SGMS1: variants seen among roughly 807,000 people sequenced by gnomAD.
The protein encoded by SGMS1 is sphingomyelin synthase 1.
A neutral mutation model predicts 46.2 loss-of-function variants in SGMS1; 13 were observed. That is an observed-to-expected ratio of 0.28 (90% CI 0.18 to 0.45). SGMS1 has a LOEUF of 0.45. SGMS1 is among the 20% of genes least tolerant of loss of function. The probability of loss-of-function intolerance (pLI) is 1.00; values close to 1 mark genes in which losing one functional copy is unlikely to be tolerated. For missense variants in SGMS1, 324 were observed against 519.9 expected, an observed-to-expected ratio of 0.62 and a Z score of 3.66; for synonymous variants, 203 against 187.8, an observed-to-expected ratio of 1.08 and a Z score of -0.66.
chr10:50,419,630 A>G (rs1481382738), intron 6 of SGMS1, among the ~76,000 whole-genome samples: 3 of 152,238 alleles, frequency 2.0e-5, no homozygotes, highest in Non-Finnish European at 2.9e-5. Context: ...AATACTTAAA[A>G]GAAACTTTAT....
At chr10:50,622,541 C>T (rs558796247) in intron 1 of SGMS1, among the ~76,000 whole-genome samples, 42 of 152,298 alleles carry the variant, frequency 2.8e-4, no homozygotes, top group African/African-American at 1.0e-3. Flanking sequence ...TTTAAAGGTC[C>T]AGGAAGATAA....
intron 1 of SGMS1, among the ~76,000 whole-genome samples, chr10:50,613,242 G>C (rs879261951): frequency 1.3e-5 from 2 of 152,224 alleles, no homozygotes; most frequent in African/African-American, 4.8e-5. Flanking sequence ...CAGGGAAACT[G>C]GGCAGGTGAC....
intron 6 of SGMS1, among the ~76,000 whole-genome samples, chr10:50,375,253 C>T (rs1848506318): frequency 1.3e-5 from 2 of 152,078 alleles, no homozygotes; most frequent in African/African-American, 4.8e-5. Context: ...GATTTCTGGG[C>T]TAGAACAACC....
intron 8 of SGMS1, among the ~76,000 whole-genome samples, 194 bp downstream of exon 8, chr10:50,327,011 T>C (rs1847543047): frequency 1.5e-5 from 1 of 68,636 alleles, no homozygotes; most frequent in African/African-American, 8.8e-5. Flanking sequence ...ATTTCCCCAG[T>C]TGGGAGGCAC....
chr10:50,505,819 G>C lies in SGMS1; in HGVS notation c.-498+14012C>G, dbSNP rs150778818. ...TCTCCCTAACAGGGCCATCTGAGCA[G>C]AGGCCCGAGGAATGGGGAGCAAAGC... On this transcript the variant is annotated intron_variant, in intron 3 of 10. Transcript: ENST00000361781. Among the ~76,000 whole-genome samples, 7 of 152,290 alleles carry C rather than the reference G, an allele frequency of 4.6e-5. No homozygotes were observed. In the East Asian group the frequency reaches 1.4e-3, roughly 29 times the overall value.
At chr10:50,317,642 G>C (rs1589382307) in intron 8 of SGMS1, among the ~76,000 whole-genome samples, 1 of 152,240 alleles carries the variant, frequency 6.6e-6, no homozygotes, top group East Asian at 1.9e-4. Context: ...TGTTGTTCTT[G>C]TTGTTGTTCT....
chr10:50,404,666 T>C (rs758903865), intron 6 of SGMS1, among the ~76,000 whole-genome samples: 1 of 152,192 alleles, frequency 6.6e-6, no homozygotes, highest in Admixed American at 6.5e-5. Context: ...AAATTTGAAA[T>C]GTATTTTCCC....
chr10:50,355,025 T>G (rs999461526), intron 6 of SGMS1, among the ~76,000 whole-genome samples: 11 of 152,214 alleles, frequency 7.2e-5, no homozygotes, highest in African/African-American at 2.7e-4. Flanking sequence ...ATTGTGGAAG[T>G]CAGTGTGATG....
chr10:50,432,883 C>T (rs143574055), intron 6 of SGMS1, among the ~76,000 whole-genome samples: 1 of 152,250 alleles, frequency 6.6e-6, no homozygotes, highest in East Asian at 1.9e-4. Context: ...ATGATCTTTC[C>T]ACTAAGCTAC....
At chr10:50,605,091 CA>C (rs1838682981) in intron 1 of SGMS1, among the ~76,000 whole-genome samples, 1 of 152,032 alleles carries the variant, frequency 6.6e-6, no homozygotes, top group African/African-American at 2.4e-5. Context: ...TACATCTCCA[CA>C]AAAAAGCACC....
chr10:50,321,518 A>G (rs772521933), intron 8 of SGMS1, among the ~76,000 whole-genome samples: 33 of 152,234 alleles, frequency 2.2e-4, no homozygotes, highest in Non-Finnish European at 4.4e-4. Flanking sequence ...AGGATGGGAA[A>G]CGTTACTGGA....
In SGMS1 at chr10:50,598,083, G is replaced by A. The variant is rs144764138; in HGVS notation, c.-683-7836C>T. On this transcript the variant is annotated intron_variant, in intron 1 of 10. Transcript: ENST00000361781. ...CTGAATGCTTGTGCTCCCCTCCCCC[G>A]CCCCGCCCCACAAAATTCATATGTT... Among the ~76,000 whole-genome samples the A allele has an allele frequency of 1.5e-3, 128 of 83,020 alleles. 2 individuals are homozygous for A. The East Asian group carries it at 0.017, about 11-fold the overall frequency. 54.5% of individuals were successfully genotyped at this position (83,020 alleles called of 152,430 possible).
Position 50,344,237 on chromosome 10 carries a change from C to CT in SGMS1, c.-124dup. On this transcript the variant is annotated 5_prime_UTR_variant, in exon 7 of 11. It introduces an in-frame stop codon into an upstream open reading frame of the 5' UTR. Transcript: ENST00000361781. ...TCCTGTGGGGCCTCATGAGCAGAGA[C>CT]TTGTTTGGCAAGATGGTCAGGGCAG... 7.4e-7 allele frequency: 1 copy of CT among 1,350,544 alleles called. No homozygotes were observed. Among genetic ancestry groups the CT allele is most frequent in the Non-Finnish European group, 9.9e-7 (1 of 1,008,554 alleles). 83.7% of individuals were successfully genotyped at this position (1,350,544 alleles called of 1,614,324 possible).
At chr10:50,477,243 A>G (rs1263938082) in intron 3 of SGMS1, among the ~76,000 whole-genome samples, 1 of 152,234 alleles carries the variant, frequency 6.6e-6, no homozygotes, top group Non-Finnish European at 1.5e-5. Context: ...ACAGAGGCAA[A>G]GGAGATTATT....
chr10:50,440,034 C>G (rs1271355176), intron 5 of SGMS1, among the ~76,000 whole-genome samples: 3 of 152,096 alleles, frequency 2.0e-5, no homozygotes, highest in East Asian at 1.9e-4. Context: ...TCTAAACAAG[C>G]AAGCAATGCA....
chr10:50,561,534 T>C (rs578012349), intron 2 of SGMS1, among the ~76,000 whole-genome samples: 29 of 152,352 alleles, frequency 1.9e-4, no homozygotes, highest in African/African-American at 6.7e-4. Flanking sequence ...TGCCAATTTC[T>C]TGAAGTTGCT....
At chr10:50,496,166 A>G (rs1332866084) in intron 3 of SGMS1, among the ~76,000 whole-genome samples, 1 of 152,218 alleles carries the variant, frequency 6.6e-6, no homozygotes, top group African/African-American at 2.4e-5. Flanking sequence ...GATGAGGCAC[A>G]TGCTGTGCAG....
At chr10:50,446,727 C>T (rs1262568720) in intron 5 of SGMS1, among the ~76,000 whole-genome samples, 9 of 152,312 alleles carry the variant, frequency 5.9e-5, no homozygotes, top group African/African-American at 1.4e-4. Flanking sequence ...CACTCGCACA[C>T]GTGTTTGCCT....
rs1284486173 is a variant in SGMS1 at position 50,344,319 on chromosome 10, C to A, written c.-205G>T. 3.8e-6 allele frequency: 2 copies of A among 527,796 alleles called. No individual in the cohort carries two copies. The highest frequency in any genetic ancestry group is 6.5e-6 in the Non-Finnish European group (2 of 309,700). 32.7% of individuals were successfully genotyped at this position (527,796 alleles called of 1,614,324 possible). ...TCCTGAGCGCCCAAGTATTAATTCA[C>A]CTCATTTTTGAGCAGGATTCTTCCT... On this transcript the variant is annotated 5_prime_UTR_variant, in exon 7 of 11. Transcript: ENST00000361781.
Sources: allele counts gnomAD v4.1 joint callset (sites outside exome capture counted in the v4.1 genomes callset), GRCh38; gene constraint gnomAD v4.1.1; transcripts MANE v1.5; gene names NCBI Gene and HGNC (gene_info 2026-07-23, HGNC 2026-07-21).